The following EEA1 variants were observed in gnomAD, a reference collection of about 807,000 sequenced individuals.
EEA1 encodes the protein early endosome antigen 1, also known as early endosome antigen 1, 162kD.
In EEA1, 111 loss-of-function variants were observed where a neutral mutation model predicts 209.2. The ratio of observed to expected loss-of-function variants is 0.53; its 90% CI spans 0.45 to 0.62. The LOEUF (loss-of-function observed/expected upper bound fraction) is 0.62. Among genes scored for constraint, EEA1 ranks in the 20% least tolerant of loss-of-function variants. EEA1 has a pLI of 0.00. For synonymous variants in EEA1, 536 were observed against 540.6 expected, an observed-to-expected ratio of 0.99 and a Z score of 0.12; for missense variants, 1,343 against 1,530.8, an observed-to-expected ratio of 0.88 and a Z score of 2.05.
chr12:92,913,404 T>C (rs1880650693), intron 1 of EEA1, among the ~76,000 whole-genome samples: 1 of 152,238 alleles, frequency 6.6e-6, no homozygotes. Flanking sequence ...TTTTTTCTTG[T>C]TGCGTTCCAT....
chr12:92,929,270 C>CGACT lies in EEA1; in HGVS notation c.-208_-205dup. 2 of 445,406 alleles carry CGACT rather than the reference C, an allele frequency of 4.5e-6. No homozygotes were observed. Among genetic ancestry groups the CGACT allele is most frequent in the Admixed American group, 4.4e-5 (1 of 22,556 alleles). 27.6% of individuals were successfully genotyped at this position (445,406 alleles called of 1,614,324 possible). A position where few individuals can be genotyped will look rare whatever the true frequency, so the allele number is the denominator to read the frequency against. The stretch of plus-strand genomic sequence containing the variant: ...GAGCACGCGAGAGAGAGCGAGCGAA[C>CGACT]GACTAGGCAGCCTGCGAGCGCCTCC... On this transcript the variant is annotated 5_prime_UTR_variant, in exon 1 of 29. Transcript: ENST00000322349.
At chr12:92,798,366 A>G (rs189470832) in intron 21 of EEA1, among the ~76,000 whole-genome samples, 5 of 149,982 alleles carry the variant, frequency 3.3e-5, no homozygotes, top group Non-Finnish European at 5.9e-5. Context: ...TTTTTGAGAC[A>G]GAGTACCTCT....
chr12:92,822,873 T>C (rs1876121648), intron 13 of EEA1, among the ~76,000 whole-genome samples: 1 of 152,122 alleles, frequency 6.6e-6, no homozygotes, highest in South Asian at 2.1e-4. Context: ...ACACACCACA[T>C]TCCCCTATGA....
intron 2 of EEA1, among the ~76,000 whole-genome samples, chr12:92,888,858 A>C (rs979647063): frequency 3.3e-5 from 5 of 152,112 alleles, no homozygotes; most frequent in Admixed American, 1.3e-4. Flanking sequence ...TTACAAAAGA[A>C]ACAAAAATGG....
intron 9 of EEA1, among the ~76,000 whole-genome samples, chr12:92,845,575 C>G (rs993628821): frequency 1.2e-4 from 19 of 152,182 alleles, no homozygotes; most frequent in African/African-American, 4.6e-4. Context: ...CTGACTCTTG[C>G]TTATTTCATT....
intron 1 of EEA1, among the ~76,000 whole-genome samples, chr12:92,903,730 C>T (rs1003732685): frequency 6.6e-6 from 1 of 151,692 alleles, no homozygotes; most frequent in Non-Finnish European, 1.5e-5. Context: ...GAGGTAAATA[C>T]AACATTTGTA....
chr12:92,846,134 G>T (rs1877380730), intron 9 of EEA1, among the ~76,000 whole-genome samples: 1 of 152,028 alleles, frequency 6.6e-6, no homozygotes, highest in African/African-American at 2.4e-5. Context: ...TGCATGATTA[G>T]CAAAACAAAA....
At chr12:92,928,068 T>C (rs1338274806) in intron 1 of EEA1, among the ~76,000 whole-genome samples, 1 of 151,922 alleles carries the variant, frequency 6.6e-6, no homozygotes, top group Non-Finnish European at 1.5e-5. Context: ...TCCTACTCCC[T>C]CGGTAAAGAA....
intron 2 of EEA1, among the ~76,000 whole-genome samples, chr12:92,871,346 G>A (rs1878634762): frequency 6.6e-6 from 1 of 152,046 alleles, no homozygotes; most frequent in African/African-American, 2.4e-5. Flanking sequence ...CCGAGGCAAG[G>A]AAAAACCAGC....
intron 1 of EEA1, among the ~76,000 whole-genome samples, chr12:92,895,707 C>T (rs1240090054): frequency 6.6e-6 from 1 of 152,066 alleles, no homozygotes; most frequent in Admixed American, 6.6e-5. Context: ...TTTTGTAAGG[C>T]TATAACTACC....
intron 13 of EEA1, among the ~76,000 whole-genome samples, chr12:92,824,587 T>TGC (rs1246594350): frequency 6.6e-6 from 1 of 152,206 alleles, no homozygotes; most frequent in East Asian, 1.9e-4. Flanking sequence ...GACATGCTCC[T>TGC]GCCTCTGGAC....
chr12:92,871,286 C>T (rs900852613), intron 2 of EEA1, among the ~76,000 whole-genome samples: 4 of 152,154 alleles, frequency 2.6e-5, no homozygotes, highest in African/African-American at 9.7e-5. Context: ...TTTAAGCATG[C>T]ATAATTAAAG....
intron 2 of EEA1, among the ~76,000 whole-genome samples, chr12:92,881,051 T>A (rs1222678567): frequency 6.6e-6 from 1 of 152,106 alleles, no homozygotes; most frequent in Non-Finnish European, 1.5e-5. Flanking sequence ...AAAAGCCTGC[T>A]CTCTCTAGGC....
chr12:92,878,792 C>T (rs963410209), intron 2 of EEA1, among the ~76,000 whole-genome samples: 1 of 152,078 alleles, frequency 6.6e-6, no homozygotes, highest in Non-Finnish European at 1.5e-5. Context: ...TTATCTCTTA[C>T]CAAAATCATG....
chr12:92,908,984 C>T (rs1454964886), intron 1 of EEA1, among the ~76,000 whole-genome samples: 1 of 152,110 alleles, frequency 6.6e-6, no homozygotes, highest in African/African-American at 2.4e-5. Context: ...CCACCACACC[C>T]AGCTAATTAG....
chr12:92,832,903 C>G, intron 10 of EEA1, 53 bp from the exon 11 acceptor site: 4 of 1,300,518 alleles, frequency 3.1e-6, no homozygotes, highest in Non-Finnish European at 4.2e-6. Context: ...TTAATTACTC[C>G]AATTACTCAA....
At chr12:92,831,347 T>C (rs1847126996) in intron 11 of EEA1, among the ~76,000 whole-genome samples, 1 of 151,356 alleles carries the variant, frequency 6.6e-6, no homozygotes, top group Non-Finnish European at 1.5e-5. Context: ...AAAACTTGCA[T>C]TAAACTTCAT....
chr12:92,837,237 G>C (rs1876971460), intron 10 of EEA1, among the ~76,000 whole-genome samples: 1 of 151,850 alleles, frequency 6.6e-6, no homozygotes, highest in African/African-American at 2.4e-5. Flanking sequence ...TTAATCCTAA[G>C]AGGTAAGTGG....
At chr12:92,877,428 G>A (rs185098485) in intron 2 of EEA1, among the ~76,000 whole-genome samples, 197 of 152,206 alleles carry the variant, frequency 1.3e-3, no homozygotes, top group African/African-American at 4.6e-3. Flanking sequence ...AATGATTGAT[G>A]GTAGTCTGTG....
Sources: gnomAD v4.1 joint callset for allele counts (sites outside exome capture counted in the v4.1 genomes callset) on GRCh38, gnomAD v4.1.1 for gene constraint, MANE v1.5 for transcripts, NCBI Gene and HGNC (gene_info 2026-07-23, HGNC 2026-07-21) for gene names.